Variants in CASQ2 observed in about 807,000 individuals in gnomAD.
CASQ2 encodes calsequestrin-2.
CASQ2 carries 49 observed loss-of-function variants against 46.5 expected under a neutral mutation model. The observed-to-expected ratio is 1.05, with a 90% CI of 0.84 to 1.34. The LOEUF is 1.34. Among genes scored for constraint, CASQ2 ranks in the 40% most tolerant of loss-of-function variants. The pLI is 0.00. For missense variants in CASQ2, 486 were observed against 481.3 expected (o/e 1.01, Z -0.09); for synonymous variants, 174 against 168.5 (o/e 1.03, Z -0.25).
chr1:115,731,077 C>G (rs549339139), intron 5 of CASQ2, among the ~76,000 whole-genome samples: 1 of 152,178 alleles, frequency 6.6e-6, no homozygotes, highest in Non-Finnish European at 1.5e-5. Flanking sequence ...TCTCAGTGCT[C>G]TCCCCTCTGT....
intron 7 of CASQ2, among the ~76,000 whole-genome samples, chr1:115,720,383 C>A (rs975398390): frequency 1.3e-5 from 2 of 152,112 alleles, no homozygotes; most frequent in African/African-American, 4.8e-5. Context: ...GAGAGTTCAG[C>A]CCTCAAGACC....
chr1:115,740,859 G>A, intron 2 of CASQ2, 31 bp from the exon 3 acceptor site: 3 of 1,440,716 alleles, frequency 2.1e-6, no homozygotes, highest in Non-Finnish European at 2.9e-6. Flanking sequence ...CACAGAGAAG[G>A]TCATCCTGAC....
At chr1:115,721,988 G>T (rs1229463923) in intron 7 of CASQ2, among the ~76,000 whole-genome samples, 1 of 152,180 alleles carries the variant, frequency 6.6e-6, no homozygotes, top group African/African-American at 2.4e-5. Context: ...CTGCTAGGGG[G>T]CCCAGGTAGA....
intron 1 of CASQ2, among the ~76,000 whole-genome samples, chr1:115,762,313 T>C (rs988720421): frequency 6.6e-6 from 1 of 152,210 alleles, no homozygotes; most frequent in Non-Finnish European, 1.5e-5. Flanking sequence ...CATTTACTCA[T>C]GCAAAGATTA....
At position 115,768,061 on chromosome 1, in the gene CASQ2, A is replaced by T. The variant is rs143214943; in HGVS notation, c.234+247T>A. 1.0e-3 allele frequency among the ~76,000 whole-genome samples: 157 copies of T among 152,198 alleles called. 2 individuals are homozygous for T. In the East Asian group the frequency reaches 0.029, roughly 28 times the overall value. On this transcript the variant is annotated intron_variant, in intron 1 of 10. Transcript: ENST00000261448. ...TTGAAAAGTCAAGGGGGCCATAAAG[A>T]CTTTACATCAGACCCATCGTAGTGT...
intron 1 of CASQ2, among the ~76,000 whole-genome samples, chr1:115,759,355 C>T (rs995081504): frequency 1.3e-5 from 2 of 152,196 alleles, no homozygotes; most frequent in African/African-American, 4.8e-5. Flanking sequence ...TTAATGAGAA[C>T]AAATTAGTTT....
chr1:115,708,529 G>C (rs3923976), intron 8 of CASQ2, among the ~76,000 whole-genome samples: 30,003 of 152,142 alleles, frequency 0.2, 3,059 homozygotes, highest in South Asian at 0.27. Context: ...GTGTGACTTA[G>C]AGCAAGTTAT....
At chr1:115,715,112 T>C (rs976910118) in intron 8 of CASQ2, among the ~76,000 whole-genome samples, 8 of 152,234 alleles carry the variant, frequency 5.3e-5, no homozygotes, top group African/African-American at 1.9e-4. Context: ...CTGCTGCCTA[T>C]GGCAACTGCA....
intron 7 of CASQ2, among the ~76,000 whole-genome samples, chr1:115,724,476 AT>A (rs1647502329): frequency 6.6e-6 from 1 of 152,164 alleles, no homozygotes. Context: ...CTAATTAATA[AT>A]ACTTGTTCTA....
intron 7 of CASQ2, among the ~76,000 whole-genome samples, chr1:115,723,701 C>T (rs570936648): frequency 6.6e-6 from 1 of 152,128 alleles, no homozygotes; most frequent in Admixed American, 6.5e-5. Context: ...CCATACTCGG[C>T]TAATTTTTGT....
chr1:115,735,670 T>C (rs1204182084), intron 4 of CASQ2, among the ~76,000 whole-genome samples: 1 of 152,216 alleles, frequency 6.6e-6, no homozygotes, highest in Non-Finnish European at 1.5e-5. Context: ...TTTTGAAATA[T>C]TGATGATATA....
At chr1:115,741,735 C>T (rs1490956364) in intron 2 of CASQ2, among the ~76,000 whole-genome samples, 1 of 152,214 alleles carries the variant, frequency 6.6e-6, no homozygotes, top group African/African-American at 2.4e-5. Flanking sequence ...CACCCTTGGT[C>T]TGATGTTGTG....
At chr1:115,761,430 A>G (rs1211968835) in intron 1 of CASQ2, among the ~76,000 whole-genome samples, 1 of 2,636 alleles carries the variant, frequency 3.8e-4, no homozygotes, top group Non-Finnish European at 6.4e-4. Flanking sequence ...GAAGAAGAAG[A>G]AGAAGAAGAA....
At chr1:115,754,258 G>A (rs562830138) in intron 1 of CASQ2, among the ~76,000 whole-genome samples, 14 of 152,264 alleles carry the variant, frequency 9.2e-5, no homozygotes, top group African/African-American at 2.4e-4. Flanking sequence ...AGCGAGTATC[G>A]GGGGCCTCTT....
At chr1:115,705,081 C>T (rs1039330607) in intron 9 of CASQ2, 111 bp downstream of exon 9, 67 of 791,666 alleles carry the variant, frequency 8.5e-5, no homozygotes, top group African/African-American at 3.5e-4. Flanking sequence ...GGGTGAGGAC[C>T]GCCACTGGGT....
intron 1 of CASQ2, among the ~76,000 whole-genome samples, chr1:115,766,705 G>A (rs1649141920): frequency 6.6e-6 from 1 of 152,076 alleles, no homozygotes; most frequent in Non-Finnish European, 1.5e-5. Context: ...ATTAACTCCT[G>A]TGGTGAACTT....
intron 10 of CASQ2, 81 bp downstream of exon 10, chr1:115,702,840 A>T (rs1158471462): frequency 3.7e-6 from 4 of 1,091,872 alleles, no homozygotes; most frequent in Admixed American, 1.9e-5. Flanking sequence ...GCTACTATAG[A>T]TGCTCTCACA....
intron 8 of CASQ2, among the ~76,000 whole-genome samples, chr1:115,708,720 A>G (rs1336402393): frequency 6.6e-6 from 1 of 152,216 alleles, no homozygotes; most frequent in Non-Finnish European, 1.5e-5. Context: ...AAAGGCAAGG[A>G]AGCTGGCTGG....
At chr1:115,726,400 C>T (rs1050967860) in intron 6 of CASQ2, among the ~76,000 whole-genome samples, 29 of 152,198 alleles carry the variant, frequency 1.9e-4, no homozygotes, top group Admixed American at 7.2e-4. Context: ...ATGCCACAGC[C>T]GCAGTTAAGT....
Sources: gnomAD v4.1 joint callset for allele counts (sites outside exome capture counted in the v4.1 genomes callset) on GRCh38, gnomAD v4.1.1 for gene constraint, MANE v1.5 for transcripts, NCBI Gene and HGNC (gene_info 2026-07-23, HGNC 2026-07-21) for gene names.